Variants in ITPR3 observed in about 807,000 individuals in gnomAD.
ITPR3 encodes the protein inositol 1,4,5-trisphosphate-gated calcium channel ITPR3.
Under a neutral mutation model 293.2 loss-of-function variants are expected in ITPR3, and 173 were observed. The ratio of observed to expected loss-of-function variants is 0.59; its 90% CI spans 0.52 to 0.67. ITPR3 has a LOEUF of 0.67. Among genes scored for constraint, ITPR3 ranks in the 30% least tolerant of loss-of-function variants. The probability of loss-of-function intolerance (pLI) is 0.00; values close to 1 mark genes in which losing one functional copy is unlikely to be tolerated. For missense variants in ITPR3, 2,796 were observed against 3,592.1 expected (o/e 0.78, Z 5.66); for synonymous variants, 1,295 against 1,444.4 (o/e 0.90, Z 2.35).
chr6:33,676,442 A>G (rs549664428), intron 25 of ITPR3, among the ~76,000 whole-genome samples: 2 of 152,250 alleles, frequency 1.3e-5, no homozygotes, highest in Non-Finnish European at 2.9e-5. Context: ...AGGGCTGCCA[A>G]TATGTTTTGC....
At chr6:33,626,126 G>A (rs1321903572) in intron 1 of ITPR3, among the ~76,000 whole-genome samples, 2 of 152,074 alleles carry the variant, frequency 1.3e-5, no homozygotes, top group Non-Finnish European at 2.9e-5. Flanking sequence ...ATAGAGATGG[G>A]GTCTCCCCTT....
In ITPR3 at chr6:33,659,019, A is replaced by C; in HGVS notation, c.529-2A>C. The C allele has an allele frequency of 1.9e-6, 3 of 1,614,000 alleles. No individual in the cohort carries two copies. The highest frequency in any genetic ancestry group is 2.5e-6 in the Non-Finnish European group (3 of 1,179,932). On this transcript the variant is annotated splice_acceptor_variant, in intron 5 of 57. Coordinates refer to ENST00000605930, the MANE Select transcript of ITPR3 (RefSeq NM_002224.4). LOFTEE classifies it high-confidence loss of function. ...CCTAACCTGTCCCACCTGTCTGCTC[A>C]GGTGGTCGTGGGGGACAAGGTGATC...
chr6:33,652,619 C>T (rs1764217064), intron 2 of ITPR3, among the ~76,000 whole-genome samples: 1 of 151,960 alleles, frequency 6.6e-6, no homozygotes, highest in South Asian at 2.1e-4. Context: ...GTGCGTGCCA[C>T]CATGCCCGAC....
chr6:33,683,082 T>G lies in ITPR3; in HGVS notation c.4598-125T>G. ...CAAGCATAGGCCGGGGTGGGGGGGG[T>G]CTCTGTCTCCCAGACCCTTGGTCTA... On this transcript the variant is annotated intron_variant, in intron 34 of 57. Transcript: ENST00000605930. This position sits in a 1 kb window ranked among gnomAD's most constrained non-coding sequence, Gnocchi z 4.5. 9.9e-6 allele frequency: 6 copies of G among 603,966 alleles called. No homozygotes were observed. The highest frequency in any genetic ancestry group is 2.1e-5 in the African/African-American group (1 of 47,290). 37.4% of individuals were successfully genotyped at this position (603,966 alleles called of 1,614,324 possible). A position where few individuals can be genotyped will look rare whatever the true frequency, so the allele number is the denominator to read the frequency against.
intron 24 of ITPR3, 63 bp downstream of exon 24, chr6:33,674,328 C>G (rs549334154): frequency 5.4e-5 from 82 of 1,525,498 alleles, no homozygotes; most frequent in Non-Finnish European, 7.2e-5. Flanking sequence ...CCCTCTTGGT[C>G]TGGTCTGGGT....
At position 33,654,549 on chromosome 6, in the gene ITPR3, C is replaced by T. The variant is rs1278717765; in HGVS notation, c.161-1217C>T. ...TGGAAAATCTAATTTTTCTTTGGTC[C>T]CTTGGGACTGGATGACCAGCTTTGA... On this transcript the variant is annotated intron_variant, in intron 2 of 57. Coordinates refer to ENST00000605930, the MANE Select transcript of ITPR3 (RefSeq NM_002224.4). The surrounding 1 kb of genome is among the most constrained non-coding windows in gnomAD (Gnocchi z 4.1). Among the ~76,000 whole-genome samples, 2 of 152,118 alleles carry T rather than the reference C, an allele frequency of 1.3e-5. No homozygotes were observed. Among genetic ancestry groups the T allele is most frequent in the African/African-American group, 4.8e-5 (2 of 41,424 alleles).
Position 33,688,322 on chromosome 6 carries a change from C to T in ITPR3, c.6459C>T (p.His2153=). Residue 2153 remains histidine (H), a synonymous_variant, in exon 48 of 58, where the codon CAC becomes CAT. Transcript: ENST00000605930. The part of the protein sequence containing the change: ...ICQFLTEETK[H]RLFTTTEQDE... ...AGTTCCTGACGGAGGAAACCAAGCA[C>T]CGGCTCTTCACCACTACTGAGCAGG... The T allele has an allele frequency of 1.2e-6, 2 of 1,614,156 alleles. No individual in the cohort carries two copies. Among genetic ancestry groups the T allele is most frequent in the South Asian group, 1.1e-5 (1 of 91,090 alleles).
rs532901533 is a variant in ITPR3, at chr6:33,675,280, GGT to G, written c.3117-406_3117-405del. 1.5e-3 allele frequency among the ~76,000 whole-genome samples: 231 copies of G among 152,126 alleles called. 3 individuals are homozygous for G. The highest frequency in any genetic ancestry group is 5.1e-3 in the African/African-American group (211 of 41,484). On this transcript the variant is annotated intron_variant, in intron 24 of 57. Coordinates refer to ENST00000605930, the MANE Select transcript of ITPR3 (RefSeq NM_002224.4). The surrounding 1 kb of genome is among the most constrained non-coding windows in gnomAD (Gnocchi z 5.0). ...CTACTAAAAATACAAAAATTAGCCG[GGT>G]GTGTTGGCACACACTGGTAATTCCA...
rs2127298016 is a variant in ITPR3, at chr6:33,679,887, C to T, written c.3978C>T (p.Thr1326=). The T allele has an allele frequency of 6.2e-7, 1 of 1,612,322 alleles. No individual in the cohort carries two copies. The highest frequency in any genetic ancestry group is 8.5e-7 in the Non-Finnish European group (1 of 1,178,876). The change falls in exon 31 of 58, where the codon ACC becomes ACT. Residue 1326 remains threonine (T), a synonymous_variant. Transcript: ENST00000605930. The surrounding 1 kb of genome is among the most constrained non-coding windows in gnomAD (Gnocchi z 4.2). ...GTGCCCCCTCCCACCCGCAGCTGAC[C>T]AATGCAGGTGACGATGTGGTCGTGT... is the stretch of plus-strand genomic sequence containing the variant. ...KCQDMIMTEL[T]NAGDDVVVFY...
intron 1 of ITPR3, among the ~76,000 whole-genome samples, chr6:33,631,539 G>A (rs555670810): frequency 6.6e-5 from 10 of 152,178 alleles, no homozygotes; most frequent in Admixed American, 1.3e-4. Flanking sequence ...TTCTTCTACC[G>A]CTATCTACTG....
In ITPR3 at chr6:33,675,443, G is replaced by C. The variant is rs1278084959; in HGVS notation, c.3117-248G>C. On this transcript the variant is annotated intron_variant, in intron 24 of 57. Coordinates refer to ENST00000605930, the MANE Select transcript of ITPR3 (RefSeq NM_002224.4). The surrounding 1 kb of genome is among the most constrained non-coding windows in gnomAD (Gnocchi z 5.0). ...TCTGTCTCAAAAAAAAAAAAAAAGA[G>C]TCCTTGCTTCAGTTGCTTAATCAAG... Among the ~76,000 whole-genome samples the C allele has an allele frequency of 1.3e-5, 2 of 150,740 alleles. No individual in the cohort carries two copies. Among genetic ancestry groups the C allele is most frequent in the Non-Finnish European group, 3.0e-5 (2 of 67,738 alleles).
chr6:33,685,926 C>T (rs937823162), intron 41 of ITPR3, 99 bp downstream of exon 41: 25 of 1,504,752 alleles, frequency 1.7e-5, no homozygotes, highest in South Asian at 3.8e-5. Context: ...GTGTGCCCTG[C>T]CCTGGGCACT....
In ITPR3 at chr6:33,688,226, T is replaced by C. The variant is rs1348808374; in HGVS notation, c.6376-13T>C. On this transcript the variant is annotated splice_polypyrimidine_tract_variant and intron_variant, in intron 47 of 57. Transcript: ENST00000605930. ...GCCTGCGCCGGGCGTGACCATGTGC[T>C]GTGTGTGCTCAGATTGTGCGGCAGG... is the stretch of plus-strand genomic sequence containing the variant. 4.3e-6 allele frequency: 7 copies of C among 1,614,054 alleles called. No homozygotes were observed. Among genetic ancestry groups the C allele is most frequent in the Non-Finnish European group, 5.9e-6 (7 of 1,180,016 alleles).
Position 33,661,992 on chromosome 6 carries a change from G to GAAAAAAAAAAAA in ITPR3, c.712-522_712-511dup, listed in dbSNP as rs55958712. Reference sequence around the variant, plus strand: ...CCTGGGCAACAGAGTGACTGTCTCTGAAAAAAAAAAAAAAAAAAAAAAAAA... The same window carrying GAAAAAAAAAAAA: ...CCTGGGCAACAGAGTGACTGTCTCTGAAAAAAAAAAAAAAAAAAAAAAAAAAAAAAAAAAAAA... On this transcript the variant is annotated intron_variant, in intron 7 of 57. Coordinates refer to ENST00000605930, the MANE Select transcript of ITPR3 (RefSeq NM_002224.4). Among the ~76,000 whole-genome samples the GAAAAAAAAAAAA allele has an allele frequency of 7.8e-4, 37 of 47,190 alleles. 5 individuals carry two copies. Among genetic ancestry groups the GAAAAAAAAAAAA allele is most frequent in the Admixed American group, 1.1e-3 (3 of 2,850 alleles). The allele number at this position is 47,190 out of a possible 152,430, so 31.0% of individuals were successfully genotyped here.
In ITPR3 at chr6:33,688,131, C is replaced by T. The variant is rs1765287185; in HGVS notation, c.6339C>T (p.Pro2113=). The change falls in exon 47 of 58, where the codon CCC becomes CCT. Residue 2113 remains proline, a synonymous_variant. Coordinates refer to ENST00000605930, the MANE Select transcript of ITPR3 (RefSeq NM_002224.4). ...SAPAQEEEED[P]LAYYENHTSQ... Reference sequence around the variant, plus strand: ...CAGCACAGGAGGAGGAGGAAGACCCCCTGGCCTACTATGAGAACCACACGT... The same window carrying T: ...CAGCACAGGAGGAGGAGGAAGACCCTCTGGCCTACTATGAGAACCACACGT... 1.9e-6 allele frequency: 3 copies of T among 1,614,056 alleles called. No individual in the cohort carries two copies. Among genetic ancestry groups the T allele is most frequent in the Non-Finnish European group, 2.5e-6 (3 of 1,180,034 alleles).
intron 2 of ITPR3, among the ~76,000 whole-genome samples, chr6:33,650,998 C>T (rs984389316): frequency 2.0e-5 from 3 of 152,000 alleles, no homozygotes; most frequent in African/African-American, 4.8e-5. Flanking sequence ...TTTGAGTTGC[C>T]GGGCGGGGTG....
At position 33,691,211 on chromosome 6, in the gene ITPR3, C is replaced by A; in HGVS notation, c.7225+102C>A. The A allele has an allele frequency of 9.0e-7, 1 of 1,108,866 alleles. No individual in the cohort carries two copies. The highest frequency in any genetic ancestry group is 1.3e-6 in the Non-Finnish European group (1 of 756,696). 68.7% of individuals were successfully genotyped at this position (1,108,866 alleles called of 1,614,324 possible). Reference sequence around the variant, plus strand: ...GACCTGCAGCGCTTACCTCACCAGGCTCCCGTCTGCTTCTCCTCTTGGCTT... The same window carrying A: ...GACCTGCAGCGCTTACCTCACCAGGATCCCGTCTGCTTCTCCTCTTGGCTT... On this transcript the variant is annotated intron_variant, in intron 52 of 57. Coordinates refer to ENST00000605930, the MANE Select transcript of ITPR3 (RefSeq NM_002224.4). This position sits in a 1 kb window ranked among gnomAD's most constrained non-coding sequence, Gnocchi z 4.9.
Position 33,683,135 on chromosome 6 carries a change from C to T in ITPR3, c.4598-72C>T. Reference sequence around the variant, plus strand: ...TCACTCTGTCTCCTGGTGTGGCAGCCCTGAGCCTGGCCTCTGGCTGGCTGA... The same window carrying T: ...TCACTCTGTCTCCTGGTGTGGCAGCTCTGAGCCTGGCCTCTGGCTGGCTGA... On this transcript the variant is annotated intron_variant, in intron 34 of 57. Coordinates refer to ENST00000605930, the MANE Select transcript of ITPR3 (RefSeq NM_002224.4). This position sits in a 1 kb window ranked among gnomAD's most constrained non-coding sequence, Gnocchi z 4.5. 1 of 1,197,550 alleles carries T rather than the reference C, an allele frequency of 8.4e-7. No individual in the cohort carries two copies. Among genetic ancestry groups the T allele is most frequent in the Non-Finnish European group, 1.1e-6 (1 of 876,852 alleles). The allele number at this position is 1,197,550 out of a possible 1,614,324, so 74.2% of individuals were successfully genotyped here.
intron 6 of ITPR3, 22 bp from the exon 7 acceptor site, chr6:33,659,444 G>A (rs375940111): frequency 2.2e-5 from 36 of 1,611,416 alleles, no homozygotes; most frequent in African/African-American, 1.3e-4. Context: ...CTGGCGTCAC[G>A]GGTCTTGTCA....
Sources: gnomAD v4.1 joint callset for allele counts (sites outside exome capture counted in the v4.1 genomes callset) on GRCh38, gnomAD v4.1.1 for gene constraint, Gnocchi (gnomAD v3.1) non-coding constraint, MANE v1.5 for transcripts, NCBI Gene and HGNC (gene_info 2026-07-23, HGNC 2026-07-21) for gene names.